Variants in SPATA31G1 observed in about 807,000 individuals in gnomAD.
SPATA31G1 encodes the protein SPATA31 subfamily G member 1.
At chr9:35,045,430 A>C in the SPATA31G1 span, 1 of 1,614,050 alleles carries the variant, frequency 6.2e-7, no homozygotes, top group African/African-American at 1.3e-5. Context: ...AAGAGAAAGG[A>C]CAAGGCTTCA....
At chr9:35,042,470 T>C in the SPATA31G1 span, 2 of 1,614,180 alleles carry the variant, frequency 1.2e-6, no homozygotes, top group Admixed American at 1.7e-5. Context: ...GCTCTGGGAA[T>C]ATGGTGCAAG....
the SPATA31G1 span, chr9:35,045,700 G>A: frequency 6.8e-6 from 11 of 1,614,238 alleles, no homozygotes; most frequent in South Asian, 1.2e-4. Flanking sequence ...GCAGGGCGAA[G>A]AGCAAGTGAC....
the SPATA31G1 span, chr9:35,044,794 C>A: frequency 1.2e-6 from 2 of 1,614,184 alleles, no homozygotes; most frequent in Non-Finnish European, 1.7e-6. Context: ...AGCCCTCTGG[C>A]AGTGGATCCC....
At chr9:35,043,132 C>T in the SPATA31G1 span, 28 of 1,614,080 alleles carry the variant, frequency 1.7e-5, no homozygotes, top group South Asian at 4.4e-5. Context: ...AGATCCTTCC[C>T]CATCTTCCAG....
the SPATA31G1 span, chr9:35,045,311 G>T: frequency 2.5e-6 from 4 of 1,613,988 alleles, no homozygotes; most frequent in Admixed American, 1.7e-5. Flanking sequence ...AGGGGAAGAT[G>T]GTGAGCCAGG....
the SPATA31G1 span, chr9:35,044,639 C>T: frequency 5.5e-5 from 89 of 1,614,054 alleles, no homozygotes; most frequent in Non-Finnish European, 6.9e-5. Context: ...ATAAGCCTGA[C>T]GGGGAGGCAG....
chr9:35,043,865 C>T, the SPATA31G1 span: 2 of 1,614,036 alleles, frequency 1.2e-6, no homozygotes, highest in African/African-American at 1.3e-5. Flanking sequence ...GATATAAGCC[C>T]CAGTGGGAAT....
the SPATA31G1 span, chr9:35,043,464 CCTT>C: frequency 6.2e-7 from 1 of 1,614,172 alleles, no homozygotes; most frequent in East Asian, 2.2e-5. Context: ...TCCATCTTCT[CCTT>C]CTGTCTCATC....
At chr9:35,042,754 GGTGA>G in the SPATA31G1 span, 3 of 1,434,992 alleles carry the variant, frequency 2.1e-6, no homozygotes, top group Non-Finnish European at 2.8e-6. Flanking sequence ...CGTGGGATTA[GGTGA>G]GTAACTGTCC....
At chr9:35,043,348 A>G in the SPATA31G1 span, 1 of 1,613,922 alleles carries the variant, frequency 6.2e-7, no homozygotes, top group South Asian at 1.1e-5. Flanking sequence ...CCTAGGTCCA[A>G]CCTGTTGCTT....
chr9:35,042,171 G>A, the SPATA31G1 span: 1 of 1,526,716 alleles, frequency 6.6e-7, no homozygotes, highest in Non-Finnish European at 8.8e-7. Context: ...AGGCTGTTAA[G>A]CCCAGGCCTC....
At chr9:35,044,391 T>C in the SPATA31G1 span, 1 of 1,614,032 alleles carries the variant, frequency 6.2e-7, no homozygotes, top group East Asian at 2.2e-5. Flanking sequence ...TGAAGCTAGA[T>C]GTGGGGACAT....
the SPATA31G1 span, chr9:35,043,150 C>T: frequency 1.9e-6 from 3 of 1,614,104 alleles, no homozygotes; most frequent in South Asian, 3.3e-5. Flanking sequence ...CAGATTCTGA[C>T]CAGCTTTCCT....
chr9:35,044,038 C>T, the SPATA31G1 span: 76 of 1,613,736 alleles, frequency 4.7e-5, no homozygotes, highest in Non-Finnish European at 6.4e-5. Flanking sequence ...GACCCAGTTT[C>T]ACCTCCCAGC....
the SPATA31G1 span, chr9:35,043,426 T>C: frequency 4.3e-6 from 7 of 1,614,188 alleles, no homozygotes; most frequent in East Asian, 1.3e-4. Flanking sequence ...CTAGAAGGGA[T>C]GGCCCCCGAT....
chr9:35,044,496 T>A, the SPATA31G1 span: 108,049 of 1,613,968 alleles, frequency 0.067, 6,197 homozygotes, highest in East Asian at 0.34. Flanking sequence ...CTTGTCTGAT[T>A]CTCAGTCTAT....
At chr9:35,044,986 A>G in the SPATA31G1 span, 1 of 1,614,152 alleles carries the variant, frequency 6.2e-7, no homozygotes, top group Non-Finnish European at 8.5e-7. Context: ...TGGAGTAGAG[A>G]GCTGAAACTC....
the SPATA31G1 span, chr9:35,045,738 T>C: frequency 1.8e-4 from 289 of 1,614,218 alleles, 4 homozygotes; most frequent in South Asian, 3.0e-3. Context: ...CTGTAAGCAC[T>C]GTCCTTGGGC....
the SPATA31G1 span, chr9:35,043,529 T>C: frequency 5.0e-6 from 8 of 1,614,178 alleles, no homozygotes; most frequent in African/African-American, 1.3e-5. Context: ...GAGTTTTATC[T>C]GGCGCTGAGG....
Sources: allele counts gnomAD v4.1 joint callset, GRCh38; gene constraint gnomAD v4.1.1; transcripts MANE v1.5; gene names NCBI Gene and HGNC (gene_info 2026-07-23, HGNC 2026-07-21).